WDPCP: variants seen among roughly 807,000 people sequenced by gnomAD.
WDPCP encodes the protein WD repeat-containing and planar cell polarity effector protein fritz homolog.
In WDPCP, 71 loss-of-function variants were observed where a neutral mutation model predicts 93.1. The observed-to-expected ratio is 0.76, with a 90% CI of 0.63 to 0.93. The LOEUF is 0.93. Ranked by LOEUF, WDPCP falls within the 40% of genes least tolerant of loss-of-function variation. The probability of loss-of-function intolerance (pLI) is 0.00; values close to 1 mark genes in which losing one functional copy is unlikely to be tolerated. For synonymous variants in WDPCP, 315 were observed against 315.0 expected (o/e 1.00, Z 0.00); for missense variants, 844 against 887.4 (o/e 0.95, Z 0.62).
chr2:63,488,034 C>G (rs1255001368), intron 2 of WDPCP, among the ~76,000 whole-genome samples: 2 of 152,072 alleles, frequency 1.3e-5, no homozygotes, highest in Non-Finnish European at 2.9e-5. Flanking sequence ...GGGAAAACCC[C>G]TTCTAAACCT....
At chr2:63,334,093 G>A (rs772314177) in intron 12 of WDPCP, among the ~76,000 whole-genome samples, 1 of 152,166 alleles carries the variant, frequency 6.6e-6, no homozygotes, top group Non-Finnish European at 1.5e-5. Flanking sequence ...CATCAAATTT[G>A]TACATTACTT....
At position 63,575,410 on chromosome 2, in the gene WDPCP, G is replaced by GTA. The variant is rs1381437241; in HGVS notation, c.75+12785_75+12786dup. On this transcript the variant is annotated intron_variant, in intron 1 of 17. Transcript: ENST00000272321. ...ACACGGTATATACAGTATATATACA[G>GTA]TATATACACTGTATACAGTGTATAT... Among the ~76,000 whole-genome samples the GTA allele has an allele frequency of 4.5e-5, 5 of 111,504 alleles. 1 individual carries two copies. The highest frequency in any genetic ancestry group is 2.4e-4 in the African/African-American group (5 of 20,576). 73.2% of individuals were successfully genotyped at this position (111,504 alleles called of 152,430 possible). A position where few individuals can be genotyped will look rare whatever the true frequency, so the allele number is the denominator to read the frequency against.
intron 9 of WDPCP, among the ~76,000 whole-genome samples, chr2:63,407,494 C>T (rs6756696): frequency 0.42 from 63,076 of 151,874 alleles, 13,348 homozygotes; most frequent in Non-Finnish European, 0.43. Flanking sequence ...CCTCCAGGAC[C>T]CCTACTCCAA....
intron 14 of WDPCP, among the ~76,000 whole-genome samples, chr2:63,188,421 C>T (rs568471619): frequency 5.9e-5 from 9 of 151,792 alleles, no homozygotes; most frequent in South Asian, 2.1e-4. Context: ...AACACTGATT[C>T]TTCTGCTTGC....
rs778132438 is a variant in WDPCP at position 63,378,403 on chromosome 2, G to A, written c.1731C>T (p.Phe577=). Residue 577 remains phenylalanine (F), a synonymous_variant, in exon 12 of 18, where the codon TTC becomes TTT. Coordinates refer to ENST00000272321, the MANE Select transcript of WDPCP (RefSeq NM_015910.7). ...RDQISKYARR[F]FHHLLRYQRF... The stretch of plus-strand genomic sequence containing the variant: ...TCATTCACCTGAGCAAGTGATGGAA[G>A]AATCTCCTTGCATATTTGCTGATTT... The A allele has an allele frequency of 1.3e-5, 21 of 1,612,974 alleles. No homozygotes were observed. Among genetic ancestry groups the A allele is most frequent in the South Asian group, 6.6e-5 (6 of 91,076 alleles).
chr2:63,409,768 C>T (rs1005254882), intron 9 of WDPCP, among the ~76,000 whole-genome samples: 2 of 151,956 alleles, frequency 1.3e-5, no homozygotes, highest in East Asian at 1.9e-4. Flanking sequence ...AAAGTATCAG[C>T]GATAGCATTA....
chr2:63,163,623 G>A (rs1448392943), intron 15 of WDPCP, among the ~76,000 whole-genome samples: 1 of 152,158 alleles, frequency 6.6e-6, no homozygotes, highest in Non-Finnish European at 1.5e-5. Context: ...AAAAGACTGA[G>A]ATGAATAAAC....
intron 12 of WDPCP, among the ~76,000 whole-genome samples, chr2:63,335,033 C>A (rs999486725): frequency 6.6e-6 from 1 of 152,152 alleles, no homozygotes; most frequent in Non-Finnish European, 1.5e-5. Flanking sequence ...AAATGCATAT[C>A]TGATTGCTTC....
intron 1 of WDPCP, among the ~76,000 whole-genome samples, chr2:63,515,753 C>T (rs1029630494): frequency 6.6e-6 from 1 of 152,194 alleles, no homozygotes; most frequent in African/African-American, 2.4e-5. Flanking sequence ...GGCACAGTGG[C>T]TCACGCCTAT....
At chr2:63,653,628 AG>A (rs766167239) in intron 2 of WDPCP, among the ~76,000 whole-genome samples, 155 of 152,326 alleles carry the variant, frequency 1.0e-3, no homozygotes, top group Non-Finnish European at 1.5e-3. Flanking sequence ...AAATTACTAG[AG>A]GCCACACACG....
At chr2:63,470,281 A>G (rs1699617500) in intron 6 of WDPCP, among the ~76,000 whole-genome samples, 1 of 152,112 alleles carries the variant, frequency 6.6e-6, no homozygotes. Flanking sequence ...CTTTCCCTCA[A>G]CTACAAATTC....
chr2:63,563,963 A>AGT (rs1706835301), intron 1 of WDPCP, among the ~76,000 whole-genome samples: 1 of 152,222 alleles, frequency 6.6e-6, no homozygotes, highest in African/African-American at 2.4e-5. Context: ...TGAGTATACT[A>AGT]AAAACTATTA....
intron 13 of WDPCP, among the ~76,000 whole-genome samples, chr2:63,304,456 C>T (rs563032581): frequency 5.9e-5 from 9 of 152,280 alleles, no homozygotes; most frequent in Admixed American, 6.5e-5. Flanking sequence ...GGTGGGGCAT[C>T]GCCTCACATG....
At chr2:63,703,779 G>A (rs1455428167) in intron 2 of WDPCP, among the ~76,000 whole-genome samples, 1 of 152,184 alleles carries the variant, frequency 6.6e-6, no homozygotes, top group African/African-American at 2.4e-5. Context: ...ACTTGGCAAT[G>A]TGGACTCTTT....
chr2:63,294,274 C>G (rs1684669747), intron 13 of WDPCP, among the ~76,000 whole-genome samples: 1 of 151,918 alleles, frequency 6.6e-6, no homozygotes, highest in Non-Finnish European at 1.5e-5. Flanking sequence ...GAGGCTGAGG[C>G]AGGCAGATCA....
In WDPCP at chr2:63,318,917, G is replaced by C. The variant is rs186528837; in HGVS notation, c.1749-5606C>G. 3.9e-5 allele frequency among the ~76,000 whole-genome samples: 6 copies of C among 152,096 alleles called. No individual in the cohort carries two copies. In the East Asian group the frequency reaches 9.6e-4, roughly 24 times the overall value. On this transcript the variant is annotated intron_variant, in intron 12 of 17. Coordinates refer to ENST00000272321, the MANE Select transcript of WDPCP (RefSeq NM_015910.7). ...GTAACAAACCGGCTGATGTACCCTT[G>C]ACCCTAAAAGTGCAAGAAAAAAAGA...
intron 1 of WDPCP, among the ~76,000 whole-genome samples, chr2:63,817,997 A>G (rs1040984253): frequency 1.3e-5 from 2 of 152,198 alleles, no homozygotes; most frequent in Non-Finnish European, 2.9e-5. Flanking sequence ...ATAGTTCACT[A>G]TTGTACTATC....
intron 14 of WDPCP, among the ~76,000 whole-genome samples, chr2:63,233,839 G>A (rs1186825952): frequency 6.6e-6 from 1 of 152,136 alleles, no homozygotes; most frequent in South Asian, 2.1e-4. Flanking sequence ...AGGGGTATGA[G>A]GTTGATCTGG....
chr2:63,527,007 A>AC (rs956927107), intron 1 of WDPCP, among the ~76,000 whole-genome samples: 5 of 152,336 alleles, frequency 3.3e-5, no homozygotes, highest in African/African-American at 1.2e-4. Context: ...TCATAAACTT[A>AC]GAGTGTCAGC....
Sources: gnomAD v4.1 joint callset for allele counts (sites outside exome capture counted in the v4.1 genomes callset) on GRCh38, gnomAD v4.1.1 for gene constraint, MANE v1.5 for transcripts, NCBI Gene and HGNC (gene_info 2026-07-23, HGNC 2026-07-21) for gene names.